UBE4B: variants seen among roughly 807,000 people sequenced by gnomAD.
UBE4B encodes the protein ubiquitination factor E4B.
Under a neutral mutation model 148.1 loss-of-function variants are expected in UBE4B, and 27 were observed. The ratio of observed to expected loss-of-function variants is 0.18; its 90% CI spans 0.13 to 0.25. The LOEUF (loss-of-function observed/expected upper bound fraction) is 0.25. Among genes scored for constraint, UBE4B ranks in the 10% least tolerant of loss-of-function variants. The probability of loss-of-function intolerance (pLI) is 1.00; values close to 1 mark genes in which losing one functional copy is unlikely to be tolerated. For missense variants in UBE4B, 1,170 were observed against 1,662.4 expected, an observed-to-expected ratio of 0.70 and a Z score of 5.15; for synonymous variants, 596 against 619.3, an observed-to-expected ratio of 0.96 and a Z score of 0.56.
At chr1:10,114,300 A>G (rs1029106158) in intron 7 of UBE4B, among the ~76,000 whole-genome samples, 1 of 152,240 alleles carries the variant, frequency 6.6e-6, no homozygotes, top group Non-Finnish European at 1.5e-5. Context: ...CAGTGAATAT[A>G]GTCACTGAGT....
intron 1 of UBE4B, among the ~76,000 whole-genome samples, chr1:10,051,787 C>T (rs1025648504): frequency 6.6e-6 from 1 of 152,202 alleles, no homozygotes; most frequent in Non-Finnish European, 1.5e-5. Flanking sequence ...TTACTCCCAT[C>T]AGATGACTTA....
chr1:10,067,986 C>G (rs2101825166), intron 1 of UBE4B, among the ~76,000 whole-genome samples: 1 of 152,002 alleles, frequency 6.6e-6, no homozygotes, highest in East Asian at 1.9e-4. Context: ...CCTCAGCCTC[C>G]CAAAGTGCTG....
intron 17 of UBE4B, among the ~76,000 whole-genome samples, chr1:10,139,663 A>C (rs1159542682): frequency 6.6e-6 from 1 of 152,170 alleles, no homozygotes; most frequent in African/African-American, 2.4e-5. Flanking sequence ...GTTGTTCATA[A>C]TATCCTTTTA....
chr1:10,119,443 T>C, intron 8 of UBE4B, 70 bp from the exon 9 acceptor site: 1 of 1,507,626 alleles, frequency 6.6e-7, no homozygotes, highest in Non-Finnish European at 9.2e-7. Flanking sequence ...CCCTTTTAAC[T>C]CTTATTTTTA....
intron 16 of UBE4B, among the ~76,000 whole-genome samples, chr1:10,136,583 C>T (rs983157196): frequency 6.6e-6 from 1 of 151,636 alleles, no homozygotes; most frequent in Non-Finnish European, 1.5e-5. Context: ...CAGGAATTCT[C>T]TTCTTCTTGT....
intron 12 of UBE4B, 43 bp from the exon 13 acceptor site, chr1:10,130,457 G>T: frequency 6.6e-7 from 1 of 1,511,058 alleles, no homozygotes. Context: ...TTACCCCACC[G>T]GCCTGTTCAG....
In UBE4B at chr1:10,161,256, G is replaced by C; in HGVS notation, c.3168G>C (p.Lys1056Asn). ...KRIHEVQEEM[K>N]NKEQWDQLPR... Reference sequence around the variant, plus strand: ...TCCATGAAGTGCAGGAAGAGATGAAGAACAAAGAACAGTGGGACCAGTTGC... The same window carrying C: ...TCCATGAAGTGCAGGAAGAGATGAACAACAAAGAACAGTGGGACCAGTTGC... Residue 1056 changes from lysine to asparagine, a missense_variant, in exon 23 of 28, where the codon AAG becomes AAC. Around this residue, in one of 6 missense-constraint regions of UBE4B, gnomAD observed 348 missense variants for 627.2 expected, o/e 0.55. Coordinates refer to ENST00000343090, the MANE Select transcript of UBE4B (RefSeq NM_001105562.3). This position sits in a 1 kb window ranked among gnomAD's most constrained non-coding sequence, Gnocchi z 4.1. 1 of 1,614,162 alleles carries C rather than the reference G, an allele frequency of 6.2e-7. No homozygotes were observed. Among genetic ancestry groups the C allele is most frequent in the Non-Finnish European group, 8.5e-7 (1 of 1,180,010 alleles).
intron 25 of UBE4B, among the ~76,000 whole-genome samples, chr1:10,173,683 G>A (rs1006378454): frequency 7.2e-5 from 11 of 152,138 alleles, no homozygotes; most frequent in Admixed American, 5.9e-4. Context: ...GCCAGAGGTC[G>A]GTGTGGAAAG....
At chr1:10,147,128 G>C in intron 19 of UBE4B, 38 bp downstream of exon 19, 2 of 1,613,068 alleles carry the variant, frequency 1.2e-6, no homozygotes, top group Non-Finnish European at 1.7e-6. Context: ...GTCCCTCCTT[G>C]GCTGGGCTCT....
At chr1:10,132,881 A>T (rs1198277606) in intron 15 of UBE4B, among the ~76,000 whole-genome samples, 1 of 152,224 alleles carries the variant, frequency 6.6e-6, no homozygotes, top group African/African-American at 2.4e-5. Flanking sequence ...CTTTGGTACA[A>T]GCCCAGCACG....
intron 2 of UBE4B, among the ~76,000 whole-genome samples, chr1:10,089,988 C>G (rs1644819766): frequency 6.6e-6 from 1 of 152,160 alleles, no homozygotes; most frequent in African/African-American, 2.4e-5. Context: ...AGCCACCATG[C>G]CTGGTTGCTT....
intron 16 of UBE4B, among the ~76,000 whole-genome samples, chr1:10,136,380 G>A (rs1645683302): frequency 6.6e-6 from 1 of 151,844 alleles, no homozygotes; most frequent in African/African-American, 2.4e-5. Context: ...TGAGGCAGGA[G>A]GATTGCCTGA....
chr1:10,146,188 A>G (rs1440490839), intron 18 of UBE4B, among the ~76,000 whole-genome samples: 2 of 152,326 alleles, frequency 1.3e-5, no homozygotes, highest in East Asian at 1.9e-4. Context: ...ATGGTGGCTC[A>G]CACCAGTAAT....
At chr1:10,148,430 G>A (rs111364496) in intron 19 of UBE4B, among the ~76,000 whole-genome samples, 1,780 of 151,880 alleles carry the variant, frequency 0.012, 33 homozygotes, top group Middle Eastern at 0.044. Context: ...TCAGGAGTTC[G>A]AGACCATCCT....
At chr1:10,074,623 A>G (rs1644547702) in intron 2 of UBE4B, among the ~76,000 whole-genome samples, 1 of 152,202 alleles carries the variant, frequency 6.6e-6, no homozygotes, top group South Asian at 2.1e-4. Flanking sequence ...CTCATTAGAC[A>G]TGGCTTTCAC....
intron 1 of UBE4B, among the ~76,000 whole-genome samples, chr1:10,040,691 C>T (rs771994633): frequency 2.0e-5 from 3 of 151,610 alleles, no homozygotes; most frequent in Non-Finnish European, 2.9e-5. Flanking sequence ...GATCTCAGCT[C>T]GCTGCAACCT....
chr1:10,165,025 G>C (rs1349097197), intron 23 of UBE4B, among the ~76,000 whole-genome samples: 1 of 151,962 alleles, frequency 6.6e-6, no homozygotes, highest in Non-Finnish European at 1.5e-5. Context: ...ATGTCCCCCG[G>C]TGAACATCAC....
At chr1:10,142,353 C>T (rs1645796446) in intron 17 of UBE4B, among the ~76,000 whole-genome samples, 1 of 152,172 alleles carries the variant, frequency 6.6e-6, no homozygotes, top group Non-Finnish European at 1.5e-5. Flanking sequence ...CTTAAAACAA[C>T]ACATATTACA....
At chr1:10,061,175 C>T (rs1644277792) in intron 1 of UBE4B, among the ~76,000 whole-genome samples, 1 of 152,154 alleles carries the variant, frequency 6.6e-6, no homozygotes, top group African/African-American at 2.4e-5. Flanking sequence ...CTGGAATCCA[C>T]CCTTTAATAA....
Sources: allele counts gnomAD v4.1 joint callset (sites outside exome capture counted in the v4.1 genomes callset), GRCh38; gene constraint gnomAD v4.1.1; regional missense constraint gnomAD v4.1.1; non-coding constraint Gnocchi (gnomAD v3.1); transcripts MANE v1.5; gene names NCBI Gene and HGNC (gene_info 2026-07-23, HGNC 2026-07-21).